The following FAM135A variants were observed in gnomAD, a reference collection of about 807,000 sequenced individuals.
FAM135A encodes the protein protein FAM135A.
Under a neutral mutation model 146.8 loss-of-function variants are expected in FAM135A, and 79 were observed. The observed-to-expected ratio is 0.54, with a 90% CI of 0.45 to 0.65. The LOEUF (loss-of-function observed/expected upper bound fraction) is 0.65, where lower values mean the gene tolerates loss of function less well. Among genes scored for constraint, FAM135A ranks in the 30% least tolerant of loss-of-function variants. The pLI, the probability that FAM135A is intolerant of heterozygous loss-of-function variation, is 0.00. For missense variants in FAM135A, 1,623 were observed against 1,758.2 expected, an observed-to-expected ratio of 0.92 and a Z score of 1.38; for synonymous variants, 562 against 603.6, an observed-to-expected ratio of 0.93 and a Z score of 1.01.
At chr6:70,517,107 A>G (rs1321329662) in intron 12 of FAM135A, among the ~76,000 whole-genome samples, 1 of 152,198 alleles carries the variant, frequency 6.6e-6, no homozygotes, top group East Asian at 1.9e-4. Context: ...TATTTATAGT[A>G]TATAATTTGA....
intron 20 of FAM135A, among the ~76,000 whole-genome samples, chr6:70,541,710 C>G (rs1041744519): frequency 2.0e-5 from 3 of 152,122 alleles, no homozygotes; most frequent in African/African-American, 7.2e-5. Context: ...ACTTATACAC[C>G]TAGAGGCTTA....
At chr6:70,421,209 C>T (rs905433973) in intron 2 of FAM135A, among the ~76,000 whole-genome samples, 47 of 152,036 alleles carry the variant, frequency 3.1e-4, no homozygotes, top group Non-Finnish European at 3.2e-4. Flanking sequence ...TAGTGTTCTA[C>T]ATTTTTAACT....
intron 12 of FAM135A, among the ~76,000 whole-genome samples, chr6:70,518,604 G>A (rs948948511): frequency 2.6e-5 from 4 of 152,194 alleles, no homozygotes; most frequent in Admixed American, 1.3e-4. Context: ...TCTCTTGTTA[G>A]GAGCTAATGT....
intron 20 of FAM135A, among the ~76,000 whole-genome samples, chr6:70,554,601 G>A (rs1409120768): frequency 6.6e-6 from 1 of 152,034 alleles, no homozygotes; most frequent in African/African-American, 2.4e-5. Context: ...TCCAGGTACA[G>A]GTTCATTTAT....
At chr6:70,471,173 T>C (rs886704159) in intron 5 of FAM135A, among the ~76,000 whole-genome samples, 1 of 152,154 alleles carries the variant, frequency 6.6e-6, no homozygotes, top group Non-Finnish European at 1.5e-5. Context: ...CAAGTGTGGA[T>C]TGGGCAGAGA....
At chr6:70,512,640 TA>T (rs1202641350) in intron 12 of FAM135A, among the ~76,000 whole-genome samples, 1 of 151,786 alleles carries the variant, frequency 6.6e-6, no homozygotes, top group Non-Finnish European at 1.5e-5. Flanking sequence ...TTTAGTTTTG[TA>T]AAATGTTAAA....
chr6:70,509,774 T>C (rs544292649), intron 12 of FAM135A, among the ~76,000 whole-genome samples: 4 of 152,238 alleles, frequency 2.6e-5, no homozygotes, highest in Non-Finnish European at 4.4e-5. Flanking sequence ...ATCTTGTACA[T>C]GGTAGTGACT....
intron 16 of FAM135A, among the ~76,000 whole-genome samples, chr6:70,529,788 C>T (rs1445173343): frequency 1.3e-5 from 2 of 152,038 alleles, no homozygotes; most frequent in Admixed American, 6.6e-5. Flanking sequence ...ATGGGCCGGG[C>T]GCTGTGGCTT....
chr6:70,482,530 G>A (rs1195112616), intron 10 of FAM135A, among the ~76,000 whole-genome samples: 3 of 152,034 alleles, frequency 2.0e-5, no homozygotes, highest in Admixed American at 2.0e-4. Flanking sequence ...CAGATTGTAG[G>A]TACTTAGGGC....
At chr6:70,470,160 G>A (rs1303471821) in intron 5 of FAM135A, among the ~76,000 whole-genome samples, 1 of 152,146 alleles carries the variant, frequency 6.6e-6, no homozygotes, top group African/African-American at 2.4e-5. Flanking sequence ...GTTTTGATAA[G>A]AACAGTTATA....
At chr6:70,536,503 G>C (rs34238069) in intron 19 of FAM135A, 92 bp downstream of exon 19, 1 of 1,055,846 alleles carries the variant, frequency 9.5e-7, no homozygotes. Context: ...GAACCAGTTT[G>C]TCACATACTG....
chr6:70,543,903 A>G (rs1798375687), intron 20 of FAM135A, among the ~76,000 whole-genome samples: 1 of 152,180 alleles, frequency 6.6e-6, no homozygotes, highest in Non-Finnish European at 1.5e-5. Context: ...ATCTGGTTGT[A>G]CTAGTCTAAA....
rs1279535211 is a variant in FAM135A, at chr6:70,560,367, T to A, written c.*446T>A. 6.5e-6 allele frequency: 1 copy of A among 153,260 alleles called. No individual in the cohort carries two copies. Among genetic ancestry groups the A allele is most frequent in the Non-Finnish European group, 1.5e-5 (1 of 68,508 alleles). 9.5% of individuals were successfully genotyped at this position (153,260 alleles called of 1,614,324 possible). On this transcript the variant is annotated 3_prime_UTR_variant, in exon 22 of 22. Transcript: ENST00000418814. ...TTTTCACATTTTACTGTGTTTTAAC[T>A]GGAAATAAAATTATGGCTGCTACAA...
chr6:70,551,479 C>T (rs1192971128), intron 20 of FAM135A, among the ~76,000 whole-genome samples: 4 of 152,182 alleles, frequency 2.6e-5, no homozygotes, highest in South Asian at 2.1e-4. Context: ...AATGTGCTGT[C>T]GCATACCTGT....
intron 1 of FAM135A, 78 bp from the exon 2 acceptor site, chr6:70,415,213 A>T (rs570882700): frequency 1.3e-5 from 2 of 152,366 alleles, no homozygotes; most frequent in South Asian, 4.1e-4. Context: ...TTCTCTTTCC[A>T]TAAATAATGG....
At chr6:70,487,391 T>C (rs1327631846) in intron 10 of FAM135A, among the ~76,000 whole-genome samples, 1 of 152,058 alleles carries the variant, frequency 6.6e-6, no homozygotes, top group Non-Finnish European at 1.5e-5. Context: ...TTGCGTTCAG[T>C]AAACCATCAC....
intron 20 of FAM135A, among the ~76,000 whole-genome samples, chr6:70,555,737 A>G (rs546050668): frequency 1.3e-5 from 2 of 151,596 alleles, no homozygotes; most frequent in East Asian, 1.9e-4. Flanking sequence ...AAGGGGGGGG[A>G]GTCATTTTTT....
chr6:70,433,538 A>G lies in FAM135A; in HGVS notation c.77+5119A>G, dbSNP rs1772238369. Among the ~76,000 whole-genome samples the G allele has an allele frequency of 3.3e-5, 5 of 151,034 alleles. No homozygotes were observed. In the South Asian group the frequency reaches 1.0e-3, roughly 31 times the overall value. ...TTTTTTAAGTAACTTAAAGCAGCAA[A>G]CATTTGTTGTTTCTAATGAGTCTTT... On this transcript the variant is annotated intron_variant, in intron 4 of 21. Coordinates refer to ENST00000418814, the MANE Select transcript of FAM135A (RefSeq NM_001162529.3).
chr6:70,482,673 CT>C (rs1252854357), intron 10 of FAM135A, among the ~76,000 whole-genome samples: 1 of 152,020 alleles, frequency 6.6e-6, no homozygotes, highest in Non-Finnish European at 1.5e-5. Flanking sequence ...AAAAATCAAA[CT>C]TCAGGTTTCA....
Sources: allele counts gnomAD v4.1 joint callset (sites outside exome capture counted in the v4.1 genomes callset), GRCh38; gene constraint gnomAD v4.1.1; transcripts MANE v1.5; gene names NCBI Gene and HGNC (gene_info 2026-07-23, HGNC 2026-07-21).